The following PTPRF variants were observed in gnomAD, a reference collection of about 807,000 sequenced individuals.
PTPRF encodes the protein receptor-type tyrosine-protein phosphatase F.
Under a neutral mutation model 201.8 loss-of-function variants are expected in PTPRF, and 59 were observed. The ratio of observed to expected loss-of-function variants is 0.29; its 90% confidence interval spans 0.24 to 0.36. The LOEUF (loss-of-function observed/expected upper bound fraction) is 0.36, where lower values mean the gene tolerates loss of function less well. Ranked by LOEUF, PTPRF falls within the 10% of genes least tolerant of loss-of-function variation. PTPRF has a pLI of 1.00. For missense variants in PTPRF, 2,132 were observed against 2,690.5 expected (o/e 0.79, Z 4.59); for synonymous variants, 1,088 against 1,089.7 (o/e 1.00, Z 0.03).
chr1:43,563,311 A>G (rs1645936618), intron 5 of PTPRF, among the ~76,000 whole-genome samples: 2 of 152,064 alleles, frequency 1.3e-5, no homozygotes, highest in African/African-American at 4.8e-5. Context: ...AGATTCATGT[A>G]CTAGAGGAGG....
chr1:43,583,536 A>G (rs192622060), intron 7 of PTPRF, among the ~76,000 whole-genome samples: 357 of 152,250 alleles, frequency 2.3e-3, no homozygotes, highest in African/African-American at 8.2e-3. Context: ...CTAGAGACCC[A>G]GGCTCAGCCG....
At position 43,606,311 on chromosome 1, in the gene PTPRF, A is replaced by C; in HGVS notation, c.3555A>C (p.Pro1185=). ...RRRRQAERLK[P]YVAAQLDVLP... is the part of the protein sequence containing the mutation. ...GGCGGCAGGCAGAACGTCTGAAGCCATATGTGGCTGCTCAACTGGATGTGC... is the reference window on the plus strand; with the variant it reads ...GGCGGCAGGCAGAACGTCTGAAGCCCTATGTGGCTGCTCAACTGGATGTGC... The change falls in exon 20 of 34, where the codon CCA becomes CCC. Residue 1185 remains proline, a synonymous_variant. Coordinates refer to ENST00000359947, the MANE Select transcript of PTPRF (RefSeq NM_002840.5). 1 of 1,614,168 alleles carries C rather than the reference A, an allele frequency of 6.2e-7. No individual in the cohort carries two copies.
At chr1:43,597,469 G>A (rs1308525970) in intron 11 of PTPRF, among the ~76,000 whole-genome samples, 2 of 152,056 alleles carry the variant, frequency 1.3e-5, no homozygotes, top group Non-Finnish European at 2.9e-5. Flanking sequence ...GACTGACACT[G>A]TGTGTGAGGC....
chr1:43,620,334 G>A (rs1236836789), intron 30 of PTPRF, 113 bp downstream of exon 30: 2 of 1,541,238 alleles, frequency 1.3e-6, no homozygotes, highest in African/African-American at 1.4e-5. Context: ...CTGCTTGTCA[G>A]CATGGCCTCA....
rs767813886 is a variant in PTPRF at position 43,604,055 on chromosome 1, C to T, written c.2903C>T (p.Thr968Met). The change falls in exon 16 of 34, where the codon ACG becomes ATG. Residue 968 changes from threonine (T) to methionine (M), a missense_variant. Physicochemically the swap from Thr to Met is moderately conservative, Grantham distance 81. This residue lies in a region of PTPRF where 818 missense variants were observed against 915.3 expected (regional missense o/e 0.89). Coordinates refer to ENST00000359947, the MANE Select transcript of PTPRF (RefSeq NM_002840.5). Reference protein sequence around the residue: ...INSQQELQNITTDTRFTLTGL... With the variant: ...INSQQELQNIMTDTRFTLTGL... ...AGCCAACAGGAGCTGCAGAACATCA[C>T]GACAGACACCCGCTTTACCCTTACT... The T allele has an allele frequency of 9.9e-6, 16 of 1,614,240 alleles. No individual in the cohort carries two copies. The highest frequency in any genetic ancestry group is 8.8e-5 in the South Asian group (8 of 91,090).
intron 7 of PTPRF, among the ~76,000 whole-genome samples, chr1:43,584,726 C>T (rs970471795): frequency 5.2e-4 from 79 of 152,314 alleles, no homozygotes; most frequent in African/African-American, 1.8e-3. Context: ...CCGGGTTTGC[C>T]GGCATTTAAT....
At chr1:43,523,627 A>G (rs900830788), upstream of PTPRF, among the ~76,000 whole-genome samples, 5 of 152,364 alleles carry the variant, frequency 3.3e-5, no homozygotes, top group Non-Finnish European at 7.3e-5. Context: ...TAAGACATGG[A>G]GATCATAGCA....
intron 3 of PTPRF, among the ~76,000 whole-genome samples, chr1:43,549,026 A>G (rs1287053695): frequency 6.6e-6 from 1 of 152,086 alleles, no homozygotes; most frequent in East Asian, 1.9e-4. Flanking sequence ...CCCACCCTGC[A>G]TGGGCTTGGT....
At position 43,546,570 on chromosome 1, in the gene PTPRF, C is replaced by T. The variant is rs143896966; in HGVS notation, c.91+1404C>T. Among the ~76,000 whole-genome samples the T allele has an allele frequency of 4.5e-3, 691 of 152,212 alleles. 5 individuals are homozygous for T. The highest frequency in any genetic ancestry group is 5.5e-3 in the Non-Finnish European group (376 of 67,986). On this transcript the variant is annotated intron_variant, in intron 3 of 33. Coordinates refer to ENST00000359947, the MANE Select transcript of PTPRF (RefSeq NM_002840.5). This position sits in a 1 kb window ranked among gnomAD's most constrained non-coding sequence, Gnocchi z 4.2. ...ATTGAAGTACTGTCCTTGCCCTCCC[C>T]GCCGACCCAACCCCAGGCACTTTCA...
chr1:43,605,582 C>T lies in PTPRF; in HGVS notation c.3443C>T (p.Thr1148Met), dbSNP rs774648724. 1.8e-5 allele frequency: 29 copies of T among 1,614,002 alleles called. No individual in the cohort carries two copies. Among genetic ancestry groups the T allele is most frequent in the Middle Eastern group, 1.6e-4 (1 of 6,084 alleles). ...GACCGTGTGGGCGGGAGCATGCTGA[C>T]GCCAAGGTGGAGCACACCCGAGGAA... is the stretch of plus-strand genomic sequence containing the variant. ...PIDRVGGSML[T>M]PRWSTPEELE... Residue 1148 changes from threonine to methionine, a missense_variant, in exon 19 of 34, where the codon ACG becomes ATG. By Grantham distance (81) the Thr-to-Met change is moderately conservative. Around this residue, in one of 6 missense-constraint regions of PTPRF, gnomAD observed 818 missense variants for 915.3 expected, o/e 0.89. Coordinates refer to ENST00000359947, the MANE Select transcript of PTPRF (RefSeq NM_002840.5).
rs1407957297 is a variant in PTPRF at position 43,606,220 on chromosome 1, C to T, written c.3484-20C>T. 6.2e-7 allele frequency: 1 copy of T among 1,605,924 alleles called. No homozygotes were observed. The highest frequency in any genetic ancestry group is 8.5e-7 in the Non-Finnish European group (1 of 1,177,376). On this transcript the variant is annotated intron_variant, in intron 19 of 33. Coordinates refer to ENST00000359947, the MANE Select transcript of PTPRF (RefSeq NM_002840.5). ...GCATGCTCCAAGGCCCCTCATGACC[C>T]CCATGCTCTGCTCTGCCAGCTTCTA...
At chr1:43,606,009 C>G (rs775433343) in intron 19 of PTPRF, among the ~76,000 whole-genome samples, 76 of 152,328 alleles carry the variant, frequency 5.0e-4, no homozygotes, top group Middle Eastern at 3.4e-3. Flanking sequence ...TGGCAACAGC[C>G]TGGTTAGGGT....
chr1:43,575,936 G>T (rs1432360124), intron 6 of PTPRF: 1 of 1,364,754 alleles, frequency 7.3e-7, no homozygotes, highest in Non-Finnish European at 9.8e-7. Flanking sequence ...AGGTAAGAAT[G>T]CTGTCCGTGC....
chr1:43,531,924 T>G (rs961101019), intron 1 of PTPRF, among the ~76,000 whole-genome samples: 8 of 152,194 alleles, frequency 5.3e-5, no homozygotes, highest in Non-Finnish European at 2.9e-5. Flanking sequence ...CCTCCCCGTG[T>G]CAGTGCCTCC....
intron 7 of PTPRF, chr1:43,582,606 G>A (rs1435293073): frequency 1.3e-5 from 2 of 152,360 alleles, no homozygotes; most frequent in African/African-American, 4.8e-5. Context: ...CAGGGACAGT[G>A]CCTTTTTCCC....
intron 30 of PTPRF, 54 bp from the exon 31 acceptor site, chr1:43,620,400 C>T: frequency 1.9e-6 from 3 of 1,557,184 alleles, no homozygotes; most frequent in Non-Finnish European, 2.6e-6. Flanking sequence ...AAGCCTGGCA[C>T]CCCTCCCCTA....
chr1:43,610,579 T>A (rs546155376), intron 22 of PTPRF, among the ~76,000 whole-genome samples: 1 of 152,368 alleles, frequency 6.6e-6, no homozygotes, highest in East Asian at 1.9e-4. Flanking sequence ...CCACCTGTTT[T>A]TGTAAATAAA....
At chr1:43,620,336 A>T in intron 30 of PTPRF, 115 bp downstream of exon 30, 7 of 1,539,258 alleles carry the variant, frequency 4.5e-6, no homozygotes, top group Non-Finnish European at 6.2e-6. Context: ...GCTTGTCAGC[A>T]TGGCCTCAGG....
Position 43,620,172 on chromosome 1 carries a change from A to C in PTPRF, c.5189A>C (p.His1730Pro). ...GACTTCTGGCGCATGCTATGGGAGC[A>C]CAATTCCACCATCATCGTCATGCTG... Reference protein sequence around the residue: ...TEDFWRMLWEHNSTIIVMLTK... With the variant: ...TEDFWRMLWEPNSTIIVMLTK... Residue 1730 changes from histidine (H) to proline (P), a missense_variant, in exon 30 of 34, where the codon CAC becomes CCC. This residue lies in a region of PTPRF where 519 missense variants were observed against 659.5 expected (regional missense o/e 0.79). Transcript: ENST00000359947. The C allele has an allele frequency of 6.2e-7, 1 of 1,614,130 alleles. No homozygotes were observed. Among genetic ancestry groups the C allele is most frequent in the Non-Finnish European group, 8.5e-7 (1 of 1,179,982 alleles).
Sources: gnomAD v4.1 joint callset for allele counts (sites outside exome capture counted in the v4.1 genomes callset) on GRCh38, gnomAD v4.1.1 for gene constraint, gnomAD v4.1.1 regional missense constraint, Gnocchi (gnomAD v3.1) non-coding constraint, MANE v1.5 for transcripts, NCBI Gene and HGNC (gene_info 2026-07-23, HGNC 2026-07-21) for gene names.